Variants in TEX2 observed in about 807,000 individuals in gnomAD.
The protein encoded by TEX2 is testis-expressed protein 2.
A neutral mutation model predicts 106.9 loss-of-function variants in TEX2; 53 were observed. The ratio of observed to expected loss-of-function variants is 0.50; its 90% CI spans 0.40 to 0.62. The LOEUF is 0.62. Ranked by LOEUF, TEX2 falls within the 20% of genes least tolerant of loss-of-function variation. TEX2 has a pLI of 0.00. For missense variants in TEX2, 1,207 were observed against 1,379.0 expected, an observed-to-expected ratio of 0.88 and a Z score of 1.98; for synonymous variants, 523 against 534.8, an observed-to-expected ratio of 0.98 and a Z score of 0.30.
intron 6 of TEX2, among the ~76,000 whole-genome samples, chr17:64,172,971 T>C (rs986236282): frequency 6.6e-6 from 1 of 152,356 alleles, no homozygotes; most frequent in Admixed American, 6.5e-5. Context: ...GATGTATATG[T>C]ATTTCTTAAA....
intron 2 of TEX2, among the ~76,000 whole-genome samples, chr17:64,196,049 G>A (rs1427582757): frequency 1.3e-5 from 2 of 152,220 alleles, no homozygotes; most frequent in African/African-American, 4.8e-5. Flanking sequence ...TGGGAGTTGG[G>A]ACTGTCATTC....
chr17:64,218,316 A>G (rs1177944384), intron 1 of TEX2, among the ~76,000 whole-genome samples: 2 of 152,170 alleles, frequency 1.3e-5, no homozygotes, highest in East Asian at 3.8e-4. Flanking sequence ...CAGAAACTAA[A>G]GAAAACAGGA....
chr17:64,199,663 A>T (rs114833322), intron 2 of TEX2, among the ~76,000 whole-genome samples: 2,016 of 152,356 alleles, frequency 0.013, 40 homozygotes, highest in African/African-American at 0.047. Flanking sequence ...AATCAATATT[A>T]AAAATTATTA....
rs2030169967 is a variant in TEX2, at chr17:64,148,460, C to T, written c.*509G>A. On this transcript the variant is annotated 3_prime_UTR_variant, in exon 12 of 12. Coordinates refer to ENST00000584379, the MANE Select transcript of TEX2 (RefSeq NM_001288732.2). ...AAATAAGTTGCTCTGCCCATCTCTT[C>T]TGTCACCGAAATGAAAAGGCTCACA... 1 of 153,908 alleles carries T rather than the reference C, an allele frequency of 6.5e-6. No homozygotes were observed. Among genetic ancestry groups the T allele is most frequent in the African/African-American group, 2.4e-5 (1 of 41,450 alleles). 9.5% of individuals were successfully genotyped at this position (153,908 alleles called of 1,614,324 possible).
intron 2 of TEX2, among the ~76,000 whole-genome samples, chr17:64,196,710 C>CT (rs2032479423): frequency 6.6e-6 from 1 of 152,186 alleles, no homozygotes; most frequent in African/African-American, 2.4e-5. Flanking sequence ...GAACTAAGTA[C>CT]TTTCTTTGGC....
chr17:64,211,655 T>C (rs1041834789), intron 2 of TEX2, among the ~76,000 whole-genome samples: 1 of 152,192 alleles, frequency 6.6e-6, no homozygotes, highest in African/African-American at 2.4e-5. Flanking sequence ...ATACAAATAC[T>C]ATGCCATTTT....
Position 64,177,181 on chromosome 17 carries a change from G to A in TEX2, c.2571+144C>T. On this transcript the variant is annotated intron_variant, in intron 6 of 11. Transcript: ENST00000584379. ...ATCATAAGGTCAGTCTGTGATCAAG[G>A]TCAGATGTGCTGTTTGAGAACTTAC... 4.6e-6 allele frequency: 4 copies of A among 860,692 alleles called. No individual in the cohort carries two copies. The Admixed American group carries it at 9.8e-5, about 21-fold the overall frequency. The allele number at this position is 860,692 out of a possible 1,614,324, so 53.3% of individuals were successfully genotyped here.
At chr17:64,245,983 G>A (rs1555636242) in intron 1 of TEX2, among the ~76,000 whole-genome samples, 1 of 152,186 alleles carries the variant, frequency 6.6e-6, no homozygotes, top group Non-Finnish European at 1.5e-5. Flanking sequence ...AAGAGATCCG[G>A]TTTCTTAAGC....
chr17:64,183,169 C>A (rs151310464), intron 5 of TEX2, among the ~76,000 whole-genome samples: 1 of 152,198 alleles, frequency 6.6e-6, no homozygotes, highest in Non-Finnish European at 1.5e-5. Context: ...GCCTTCCGAA[C>A]TGCTGGGCTT....
intron 2 of TEX2, among the ~76,000 whole-genome samples, chr17:64,201,428 C>A (rs2032656105): frequency 6.6e-6 from 1 of 152,172 alleles, no homozygotes; most frequent in African/African-American, 2.4e-5. Flanking sequence ...TATTACTATT[C>A]ATAATAATAG....
chr17:64,191,437 C>T (rs905834809), intron 4 of TEX2, among the ~76,000 whole-genome samples: 1 of 152,170 alleles, frequency 6.6e-6, no homozygotes, highest in African/African-American at 2.4e-5. Context: ...GCTTCAGTGC[C>T]TAGACCAGTA....
intron 2 of TEX2, among the ~76,000 whole-genome samples, chr17:64,210,636 T>A (rs1416110903): frequency 4.5e-4 from 6 of 13,314 alleles, no homozygotes; most frequent in Non-Finnish European, 7.0e-4. Flanking sequence ...ACCCCCAGCT[T>A]TTTTTTTTTT....
At chr17:64,223,675 T>C (rs187160897) in intron 1 of TEX2, among the ~76,000 whole-genome samples, 1 of 149,714 alleles carries the variant, frequency 6.7e-6, no homozygotes, top group East Asian at 2.0e-4. Flanking sequence ...GGAACCAGCC[T>C]CCAGGTACAG....
intron 5 of TEX2, 76 bp downstream of exon 5, chr17:64,188,092 C>G (rs575342668): frequency 1.3e-6 from 2 of 1,526,386 alleles, no homozygotes; most frequent in Admixed American, 3.5e-5. Flanking sequence ...CACAACAGGG[C>G]TTCGGAGCAC....
At chr17:64,235,035 A>G (rs964743435) in intron 1 of TEX2, among the ~76,000 whole-genome samples, 3 of 152,172 alleles carry the variant, frequency 2.0e-5, no homozygotes. Flanking sequence ...TCCAAGTCAA[A>G]CGCAGTCCTG....
chr17:64,228,929 T>TACACACACACAC (rs57741930), intron 1 of TEX2, among the ~76,000 whole-genome samples: 8 of 146,648 alleles, frequency 5.5e-5, no homozygotes, highest in Admixed American at 1.4e-4. Flanking sequence ...GACTGACAGG[T>TACACACACACAC]ACACACACAC....
intron 9 of TEX2, 91 bp downstream of exon 9, chr17:64,154,751 T>C (rs568314517): frequency 3.0e-5 from 42 of 1,377,538 alleles, no homozygotes; most frequent in Non-Finnish European, 3.7e-5. Flanking sequence ...GGAAGGAAGA[T>C]CACAGAGGAA....
chr17:64,200,881 T>C (rs1052549433), intron 2 of TEX2, among the ~76,000 whole-genome samples: 11 of 152,104 alleles, frequency 7.2e-5, no homozygotes, highest in African/African-American at 2.7e-4. Flanking sequence ...CACCAGCTGC[T>C]GTGGTTTCTC....
chr17:64,228,811 A>G lies in TEX2; in HGVS notation c.-25-14569T>C, dbSNP rs141182952. Among the ~76,000 whole-genome samples the G allele has an allele frequency of 1.8e-3, 276 of 152,248 alleles. 2 individuals are homozygous for G. The highest frequency in any genetic ancestry group is 6.4e-3 in the African/African-American group (267 of 41,522). ...CATACAAAAGGTAGTGCGCACAAAT[A>G]AAGTTGTTTTTGTTTTTACTTTTAA... On this transcript the variant is annotated intron_variant, in intron 1 of 11. Transcript: ENST00000584379.
Sources: allele counts gnomAD v4.1 joint callset (sites outside exome capture counted in the v4.1 genomes callset), GRCh38; gene constraint gnomAD v4.1.1; transcripts MANE v1.5; gene names NCBI Gene and HGNC (gene_info 2026-07-23, HGNC 2026-07-21).